Variants in STAU1 observed in about 807,000 individuals in gnomAD.
STAU1 encodes double-stranded RNA-binding protein Staufen homolog 1.
A neutral mutation model predicts 62.9 loss-of-function variants in STAU1; 13 were observed. The ratio of observed to expected loss-of-function variants is 0.21; its 90% CI spans 0.13 to 0.33. The LOEUF is 0.33. STAU1 is among the 10% of genes least tolerant of loss of function. The pLI, the probability that STAU1 is intolerant of heterozygous loss-of-function variation, is 1.00. For synonymous variants in STAU1, 269 were observed against 265.1 expected (o/e 1.01, Z -0.14); for missense variants, 571 against 712.1 (o/e 0.80, Z 2.25).
chr20:49,136,112 T>TAAAACA (rs112762845), intron 5 of STAU1, among the ~76,000 whole-genome samples, 181 bp from the exon 6 acceptor site: 75 of 151,896 alleles, frequency 4.9e-4, no homozygotes, highest in African/African-American at 1.7e-3. Context: ...ACCTTGTCTC[T>TAAAACA]AAAACAAAAA....
At chr20:49,212,686 C>G in the STAU1 span, among the ~76,000 whole-genome samples, 2 of 138,232 alleles carry the variant, frequency 1.4e-5, no homozygotes, top group Admixed American at 1.6e-4. Flanking sequence ...CTCAGCTCAC[C>G]ACAACCTCCA....
chr20:49,151,757 A>G lies in STAU1; in HGVS notation c.345-10T>C, dbSNP rs758053242. 2.3e-5 allele frequency: 37 copies of G among 1,604,084 alleles called. No individual in the cohort carries two copies. The highest frequency in any genetic ancestry group is 3.1e-5 in the Non-Finnish European group (36 of 1,177,010). On this transcript the variant is annotated splice_polypyrimidine_tract_variant and intron_variant, in intron 4 of 13. Coordinates refer to ENST00000371856, the MANE Select transcript of STAU1 (RefSeq NM_017453.4). The stretch of plus-strand genomic sequence containing the variant: ...AAATGGGTAAAAGTACCTAGAAATA[A>G]AAGGAGGTTAGGCAAATTACAGTCT...
Position 49,131,973 on chromosome 20 carries a change from AG to A in STAU1, c.609+3859del, listed in dbSNP as rs2092760487. Among the ~76,000 whole-genome samples, 3 of 152,286 alleles carry A rather than the reference AG, an allele frequency of 2.0e-5. No homozygotes were observed. In the South Asian group the frequency reaches 6.2e-4, roughly 32 times the overall value. The stretch of plus-strand genomic sequence containing the variant: ...TTTTAGATAGATTTGAAATTTTTGA[AG>A]TAAAAAATTGAAAAAATGTCTAGGT... On this transcript the variant is annotated intron_variant, in intron 6 of 13. Coordinates refer to ENST00000371856, the MANE Select transcript of STAU1 (RefSeq NM_017453.4).
the STAU1 span, among the ~76,000 whole-genome samples, chr20:49,193,420 C>A: frequency 1.3e-5 from 2 of 151,888 alleles, no homozygotes; most frequent in Admixed American, 6.6e-5. Context: ...CACCTGTAAT[C>A]CGAGTTCTTT....
chr20:49,164,153 C>A (rs2093491734), intron 3 of STAU1, among the ~76,000 whole-genome samples: 1 of 151,926 alleles, frequency 6.6e-6, no homozygotes. Flanking sequence ...TCGCTTGAAC[C>A]CAGGAGCCAG....
At chr20:49,197,303 A>T in the STAU1 span, among the ~76,000 whole-genome samples, 7 of 151,102 alleles carry the variant, frequency 4.6e-5, no homozygotes, top group African/African-American at 1.7e-4. Context: ...AAAGAGAATG[A>T]AAAAGCAAGT....
At chr20:49,147,640 T>G (rs1600727600) in intron 5 of STAU1, among the ~76,000 whole-genome samples, 2 of 152,294 alleles carry the variant, frequency 1.3e-5, no homozygotes, top group Admixed American at 1.3e-4. Context: ...ACAAAGACTT[T>G]AACTGCAACG....
the STAU1 span, among the ~76,000 whole-genome samples, chr20:49,209,701 C>G: frequency 6.6e-6 from 1 of 151,988 alleles, no homozygotes; most frequent in Admixed American, 6.6e-5. Context: ...TGAGATCATA[C>G]CATTGCACTG....
intron 1 of STAU1, among the ~76,000 whole-genome samples, chr20:49,187,367 A>C (rs2093800731): frequency 6.6e-6 from 1 of 152,176 alleles, no homozygotes; most frequent in African/African-American, 2.4e-5. Flanking sequence ...TTCAGATGTT[A>C]ACAACTGAAA....
chr20:49,141,130 T>A (rs975521101), intron 5 of STAU1, among the ~76,000 whole-genome samples: 1 of 152,228 alleles, frequency 6.6e-6, no homozygotes, highest in Non-Finnish European at 1.5e-5. Context: ...ATTTTCAATG[T>A]TTTGTTCATT....
intron 6 of STAU1, among the ~76,000 whole-genome samples, chr20:49,125,837 C>A (rs569628073): frequency 9.7e-4 from 147 of 151,906 alleles, no homozygotes; most frequent in Non-Finnish European, 1.6e-3. Flanking sequence ...AGTGGGACTC[C>A]GTCTCAAAAA....
At chr20:49,206,749 A>ATTT in the STAU1 span, among the ~76,000 whole-genome samples, 5 of 73,152 alleles carry the variant, frequency 6.8e-5, no homozygotes, top group African/African-American at 1.1e-4. Context: ...ATATATATAT[A>ATTT]TATTTTATTT....
chr20:49,146,944 T>C (rs1300217611), intron 5 of STAU1, among the ~76,000 whole-genome samples: 1 of 152,166 alleles, frequency 6.6e-6, no homozygotes, highest in Non-Finnish European at 1.5e-5. Context: ...GCTATGACCA[T>C]ACTGCTCCTA....
At chr20:49,153,198 C>T (rs545448924) in intron 4 of STAU1, among the ~76,000 whole-genome samples, 8 of 142,442 alleles carry the variant, frequency 5.6e-5, no homozygotes, top group Non-Finnish European at 9.0e-5. Context: ...TGCAGTGAGC[C>T]GAGATCATGC....
At chr20:49,146,067 C>T (rs556589947) in intron 5 of STAU1, among the ~76,000 whole-genome samples, 2 of 152,080 alleles carry the variant, frequency 1.3e-5, no homozygotes, top group South Asian at 4.2e-4. Context: ...CTCAGGAGTT[C>T]GACACCAGCC....
chr20:49,119,458 C>T (rs1045927331), intron 9 of STAU1, among the ~76,000 whole-genome samples: 2 of 152,186 alleles, frequency 1.3e-5, no homozygotes, highest in African/African-American at 2.4e-5. Flanking sequence ...CACACCTGGC[C>T]GTGAATTTTT....
chr20:49,189,499 A>G (rs1249551389), upstream of STAU1, among the ~76,000 whole-genome samples: 2 of 148,692 alleles, frequency 1.3e-5, no homozygotes, highest in African/African-American at 5.0e-5. Flanking sequence ...GGGCGCCTGT[A>G]ATCACAGCTA....
At chr20:49,126,599 C>CAAAAA (rs1600641014) in intron 6 of STAU1, among the ~76,000 whole-genome samples, 1 of 57,344 alleles carries the variant, frequency 1.7e-5, no homozygotes, top group African/African-American at 5.7e-5. Context: ...AAAAAAAAAA[C>CAAAAA]AAAAAAACTT....
the STAU1 span, among the ~76,000 whole-genome samples, chr20:49,195,562 G>A: frequency 0.11 from 5,088 of 45,742 alleles, 439 homozygotes; most frequent in East Asian, 0.34. Context: ...AAAAAAAAAA[G>A]ATAGCAACAG....
Sources: gnomAD v4.1 joint callset for allele counts (sites outside exome capture counted in the v4.1 genomes callset) on GRCh38, gnomAD v4.1.1 for gene constraint, MANE v1.5 for transcripts, NCBI Gene and HGNC (gene_info 2026-07-23, HGNC 2026-07-21) for gene names.